The following SSBP3 variants were observed in gnomAD, a reference collection of about 807,000 sequenced individuals.
The protein encoded by SSBP3 is single stranded DNA binding protein 3, also known as single-stranded DNA-binding protein 3.
SSBP3 carries 5 observed loss-of-function variants against 69.6 expected under a neutral mutation model. The observed-to-expected ratio is 0.07, with a 90% CI of 0.04 to 0.15. The LOEUF (loss-of-function observed/expected upper bound fraction) is 0.15. Among genes scored for constraint, SSBP3 ranks in the 10% least tolerant of loss-of-function variants. The probability of loss-of-function intolerance (pLI) is 1.00; values close to 1 mark genes in which losing one functional copy is unlikely to be tolerated. For missense variants in SSBP3, 312 were observed against 534.0 expected (o/e 0.58, Z 4.10); for synonymous variants, 196 against 193.4 (o/e 1.01, Z -0.11).
intron 4 of SSBP3, among the ~76,000 whole-genome samples, chr1:54,376,191 GGT>G (rs145081564): frequency 1.0e-4 from 15 of 150,512 alleles, no homozygotes; most frequent in East Asian, 3.9e-4. Context: ...TGCATGCGTG[GGT>G]GTGTGTGTGT....
Position 54,282,643 on chromosome 1 carries a change from G to A in SSBP3, c.277-1116C>T, listed in dbSNP as rs190965368. ...GGCCCCGTGCTCACACAGGCGGGGCGGGGCGAGGCTGAGACATCTGGGCCC... is the reference window on the plus strand; with the variant it reads ...GGCCCCGTGCTCACACAGGCGGGGCAGGGCGAGGCTGAGACATCTGGGCCC... On this transcript the variant is annotated intron_variant, in intron 4 of 17. Coordinates refer to ENST00000610401, the Ensembl canonical transcript of SSBP3. Among the ~76,000 whole-genome samples, 14 of 152,290 alleles carry A rather than the reference G, an allele frequency of 9.2e-5. No individual in the cohort carries two copies. In the East Asian group the frequency reaches 1.9e-3, roughly 21 times the overall value.
intron 4 of SSBP3, among the ~76,000 whole-genome samples, chr1:54,380,157 C>T (rs957468070): frequency 3.3e-5 from 5 of 152,204 alleles, no homozygotes; most frequent in Non-Finnish European, 7.3e-5. Flanking sequence ...TTGGTGGCGG[C>T]CTCGGCTCCC....
At chr1:54,230,175 C>A (rs1414240916) in intron 14 of SSBP3, among the ~76,000 whole-genome samples, 1 of 152,148 alleles carries the variant, frequency 6.6e-6, no homozygotes, top group African/African-American at 2.4e-5. Context: ...GCTGCTTCCC[C>A]GTGCCCACCC....
At chr1:54,306,784 G>A (rs900392753) in intron 4 of SSBP3, among the ~76,000 whole-genome samples, 3 of 152,074 alleles carry the variant, frequency 2.0e-5, no homozygotes, top group East Asian at 3.9e-4. Context: ...GCAACATAGC[G>A]AGACCTGATC....
intron 5 of SSBP3, among the ~76,000 whole-genome samples, chr1:54,267,051 T>G (rs1473980587): frequency 1.3e-5 from 2 of 152,232 alleles, no homozygotes; most frequent in African/African-American, 2.4e-5. Flanking sequence ...TGAGTTCTTT[T>G]GGCAGGTTCA....
chr1:54,233,969 G>C (rs1644438924), intron 14 of SSBP3, among the ~76,000 whole-genome samples: 4 of 152,228 alleles, frequency 2.6e-5, no homozygotes, highest in African/African-American at 9.6e-5. Flanking sequence ...GTAGAAAGTA[G>C]ACATGGGAGA....
chr1:54,278,554 G>A (rs1244326260), intron 5 of SSBP3, among the ~76,000 whole-genome samples: 1 of 152,226 alleles, frequency 6.6e-6, no homozygotes, highest in Non-Finnish European at 1.5e-5. Context: ...GCCTGCAGAA[G>A]CAAGGCCCTG....
chr1:54,344,667 T>C (rs1266139744), intron 4 of SSBP3, among the ~76,000 whole-genome samples: 1 of 152,124 alleles, frequency 6.6e-6, no homozygotes, highest in Admixed American at 6.5e-5. Context: ...TCAATCTTTT[T>C]TTCTGTTTTT....
chr1:54,242,130 G>A (rs770203076), intron 11 of SSBP3, 34 bp downstream of exon 11: 2 of 1,611,162 alleles, frequency 1.2e-6, no homozygotes, highest in South Asian at 1.1e-5. Flanking sequence ...CCGCTCCCCT[G>A]ACAAACACCA....
intron 4 of SSBP3, among the ~76,000 whole-genome samples, chr1:54,350,579 G>C (rs1192066602): frequency 2.6e-5 from 4 of 152,150 alleles, no homozygotes; most frequent in African/African-American, 9.7e-5. Flanking sequence ...ACCCGGGTTT[G>C]GCTGAGGAGC....
intron 9 of SSBP3, among the ~76,000 whole-genome samples, chr1:54,244,232 T>C (rs189837688): frequency 1.3e-5 from 2 of 152,212 alleles, no homozygotes; most frequent in South Asian, 2.1e-4. Context: ...GCCTCCCAAG[T>C]AGCTGGGATT....
At chr1:54,270,966 C>A (rs1257371936) in intron 5 of SSBP3, among the ~76,000 whole-genome samples, 1 of 152,196 alleles carries the variant, frequency 6.6e-6, no homozygotes, top group Non-Finnish European at 1.5e-5. Flanking sequence ...GGATGGGACC[C>A]AGCACCTCCC....
chr1:54,255,322 C>T (rs1644902120), intron 7 of SSBP3, among the ~76,000 whole-genome samples: 1 of 152,158 alleles, frequency 6.6e-6, no homozygotes, highest in Non-Finnish European at 1.5e-5. Flanking sequence ...AGAAGAAGGG[C>T]CACCACAATT....
chr1:54,369,221 G>GGC (rs1553146719), intron 4 of SSBP3, among the ~76,000 whole-genome samples: 1 of 150,516 alleles, frequency 6.6e-6, no homozygotes. Context: ...CTTGAGTCGG[G>GGC]GGGGGGGCCC....
intron 5 of SSBP3, among the ~76,000 whole-genome samples, chr1:54,260,251 AG>A (rs1447954458): frequency 2.6e-5 from 4 of 152,224 alleles, no homozygotes; most frequent in African/African-American, 9.6e-5. Context: ...AGTTGCCAAG[AG>A]GGGGCAAAAG....
intron 14 of SSBP3, 38 bp downstream of exon 14, chr1:54,239,091 T>G: frequency 6.5e-7 from 1 of 1,543,276 alleles, no homozygotes; most frequent in East Asian, 2.2e-5. Flanking sequence ...TGATTTGTTA[T>G]GGTGTCTGAT....
intron 4 of SSBP3, among the ~76,000 whole-genome samples, chr1:54,326,793 G>C (rs1178895176): frequency 6.6e-6 from 1 of 152,108 alleles, no homozygotes; most frequent in Non-Finnish European, 1.5e-5. Flanking sequence ...AGGCCTGTGG[G>C]TCTGATACCA....
chr1:54,345,570 T>C (rs1390333427), intron 4 of SSBP3, among the ~76,000 whole-genome samples: 2 of 152,350 alleles, frequency 1.3e-5, no homozygotes, highest in African/African-American at 4.8e-5. Flanking sequence ...AGGCCCTCTC[T>C]GAAGTGCTTG....
chr1:54,259,788 T>C (rs1644987466), intron 5 of SSBP3, among the ~76,000 whole-genome samples: 1 of 152,220 alleles, frequency 6.6e-6, no homozygotes, highest in African/African-American at 2.4e-5. Flanking sequence ...GGGAGTTTCT[T>C]GGCCAAGCGA....
Sources: allele counts gnomAD v4.1 joint callset (sites outside exome capture counted in the v4.1 genomes callset), GRCh38; gene constraint gnomAD v4.1.1; transcripts MANE v1.5; gene names NCBI Gene and HGNC (gene_info 2026-07-23, HGNC 2026-07-21).